SNX5: variants seen among roughly 807,000 people sequenced by gnomAD.
The protein encoded by SNX5 is sorting nexin-5.
SNX5 carries 31 observed loss-of-function variants against 53.9 expected under a neutral mutation model. That is an observed-to-expected ratio of 0.58 (90% confidence interval 0.43 to 0.78). The LOEUF (loss-of-function observed/expected upper bound fraction) is 0.78. Among genes scored for constraint, SNX5 ranks in the 30% least tolerant of loss-of-function variants. SNX5 has a pLI of 0.00. For synonymous variants in SNX5, 168 were observed against 171.1 expected (o/e 0.98, Z 0.14); for missense variants, 471 against 478.8 (o/e 0.98, Z 0.15).
intron 12 of SNX5, 134 bp from the exon 13 acceptor site, chr20:17,942,541 T>C (rs1192865830): frequency 8.4e-6 from 6 of 714,802 alleles, no homozygotes; most frequent in Non-Finnish European, 1.5e-5. Flanking sequence ...CTTCTCTTCA[T>C]CAAATCCCAG....
intron 1 of SNX5, among the ~76,000 whole-genome samples, chr20:17,966,880 GT>G (rs1270797222): frequency 5.9e-5 from 9 of 152,166 alleles, no homozygotes; most frequent in Admixed American, 5.9e-4. Context: ...ACCACAGCAG[GT>G]TATCAGCATC....
At chr20:17,951,026 A>T (rs1362271436) in intron 6 of SNX5, 1 of 158,434 alleles carries the variant, frequency 6.3e-6, no homozygotes, top group Non-Finnish European at 1.4e-5. Context: ...CATACCTCTA[A>T]CGGTAACGGA....
At chr20:17,953,381 A>C (rs1348134681) in intron 4 of SNX5, among the ~76,000 whole-genome samples, 1 of 152,234 alleles carries the variant, frequency 6.6e-6, no homozygotes, top group Non-Finnish European at 1.5e-5. Flanking sequence ...TTTTTGTTTG[A>C]AAAAATTAAA....
At chr20:17,942,456 A>G (rs1018890231) in intron 12 of SNX5, 49 bp from the exon 13 acceptor site, 2 of 1,406,184 alleles carry the variant, frequency 1.4e-6, no homozygotes, top group Non-Finnish European at 2.0e-6. Context: ...AAAACTTGCC[A>G]TATACCTGGA....
chr20:17,957,313 T>C (rs2035378240), intron 1 of SNX5, among the ~76,000 whole-genome samples: 1 of 151,788 alleles, frequency 6.6e-6, no homozygotes, highest in Non-Finnish European at 1.5e-5. Context: ...CGGGCACCTG[T>C]AGTCCCAGCT....
At chr20:17,948,646 G>A (rs1384230278) in intron 10 of SNX5, among the ~76,000 whole-genome samples, 1 of 152,120 alleles carries the variant, frequency 6.6e-6, no homozygotes, top group East Asian at 1.9e-4. Flanking sequence ...CCCAGAAACA[G>A]CCCTTTCTGC....
intron 8 of SNX5, among the ~76,000 whole-genome samples, chr20:17,949,705 A>G (rs1343855745): frequency 6.6e-6 from 1 of 152,084 alleles, no homozygotes; most frequent in East Asian, 1.9e-4. Flanking sequence ...CTATAACCAA[A>G]TCTCTTCAAG....
At chr20:17,947,388 G>T in intron 11 of SNX5, 98 bp downstream of exon 11, 1 of 1,315,374 alleles carries the variant, frequency 7.6e-7, no homozygotes, top group Non-Finnish European at 1.0e-6. Flanking sequence ...GACACTGGGT[G>T]AAGGATACAT....
intron 1 of SNX5, among the ~76,000 whole-genome samples, chr20:17,966,970 TA>T (rs1394839452): frequency 6.6e-6 from 1 of 152,306 alleles, no homozygotes; most frequent in East Asian, 1.9e-4. Context: ...TCCTGTAATG[TA>T]AAAAGGAAAA....
intron 4 of SNX5, among the ~76,000 whole-genome samples, chr20:17,953,674 T>C (rs1359057696): frequency 6.6e-6 from 1 of 152,218 alleles, no homozygotes; most frequent in Non-Finnish European, 1.5e-5. Context: ...TTGTACATTA[T>C]GAGCAATTTA....
chr20:17,947,203 G>A (rs2039498244), intron 11 of SNX5: 1 of 344,606 alleles, frequency 2.9e-6, no homozygotes, highest in Non-Finnish European at 5.3e-6. Flanking sequence ...CCATACAAGA[G>A]AATGTCTTCA....
chr20:17,952,670 C>A lies in SNX5; in HGVS notation c.430G>T (p.Glu144Ter). 6.2e-7 allele frequency: 1 copy of A among 1,614,048 alleles called. No homozygotes were observed. Among genetic ancestry groups the A allele is most frequent in the South Asian group, 1.1e-5 (1 of 91,062 alleles). ...AVFKKTVSSH[E>*]VFLQRLSSHP... ...GAAGAAAGCCGCTGAAGAAAGACTT[C>A]ATGGGAGGACACAGTCTTCTTAAAC... The change falls in exon 5 of 13, where the codon GAA (glutamate) becomes TAA (stop). Residue 144 changes from glutamate to a stop codon, truncating the protein, a stop_gained. Transcript: ENST00000377759. LOFTEE classifies it high-confidence loss of function.
At chr20:17,946,395 A>T (rs1241846645) in intron 11 of SNX5, among the ~76,000 whole-genome samples, 1 of 152,222 alleles carries the variant, frequency 6.6e-6, no homozygotes, top group Non-Finnish European at 1.5e-5. Context: ...AGAGAGTAAG[A>T]TTAGCATGGC....
intron 5 of SNX5, among the ~76,000 whole-genome samples, chr20:17,952,075 A>T (rs1160175347): frequency 6.6e-6 from 1 of 151,950 alleles, no homozygotes; most frequent in East Asian, 1.9e-4. Context: ...TACAAAAAAT[A>T]AGCCGGGTGT....
chr20:17,947,554 T>C lies in SNX5; in HGVS notation c.1010A>G (p.Lys337Arg), dbSNP rs369543726. The C allele has an allele frequency of 9.9e-6, 16 of 1,613,916 alleles. No homozygotes were observed. The highest frequency in any genetic ancestry group is 1.6e-4 in the Middle Eastern group (1 of 6,078). The change falls in exon 11 of 13, where the codon AAG becomes AGG. Residue 337 changes from lysine (K) to arginine (R), a missense_variant. Transcript: ENST00000377759. ...CTCCTGCTGGTGTGCCTCAGCCAAC[T>C]TGACGTCTTTGCTCTTTAACCGGGC... ...DKARLKSKDVKLAEAHQQECC... is the reference protein window; with the variant it reads ...DKARLKSKDVRLAEAHQQECC...
intron 12 of SNX5, chr20:17,942,648 A>C: frequency 1.8e-6 from 1 of 552,348 alleles, no homozygotes. Flanking sequence ...TCACTCCAGC[A>C]CCTCTGCCCT....
At chr20:17,955,071 T>C (rs1328425500) in intron 3 of SNX5, among the ~76,000 whole-genome samples, 1 of 152,112 alleles carries the variant, frequency 6.6e-6, no homozygotes, top group Non-Finnish European at 1.5e-5. Context: ...TCAATTCTAC[T>C]GACATAGGAA....
intron 5 of SNX5, 136 bp downstream of exon 5, chr20:17,952,451 T>C (rs2039583567): frequency 4.7e-6 from 4 of 846,086 alleles, no homozygotes; most frequent in South Asian, 2.5e-5. Context: ...TGACTTACAA[T>C]GAAGGAAAAG....
chr20:17,950,505 T>G (rs1372326598), intron 6 of SNX5, 109 bp from the exon 7 acceptor site: 3 of 651,538 alleles, frequency 4.6e-6, no homozygotes, highest in Non-Finnish European at 8.0e-6. Flanking sequence ...CATATAAACG[T>G]GAGTAAAGTT....
Sources: allele counts gnomAD v4.1 joint callset (sites outside exome capture counted in the v4.1 genomes callset), GRCh38; gene constraint gnomAD v4.1.1; transcripts MANE v1.5; gene names NCBI Gene and HGNC (gene_info 2026-07-23, HGNC 2026-07-21).